TGM2: variants seen among roughly 807,000 people sequenced by gnomAD.
The protein encoded by TGM2 is protein-glutamine gamma-glutamyltransferase 2.
A neutral mutation model predicts 75.6 loss-of-function variants in TGM2; 53 were observed. That is an observed-to-expected ratio of 0.70 (90% CI 0.56 to 0.88). The LOEUF (loss-of-function observed/expected upper bound fraction) is 0.88, where lower values mean the gene tolerates loss of function less well. Among genes scored for constraint, TGM2 ranks in the 40% least tolerant of loss-of-function variants. TGM2 has a pLI of 0.00. For synonymous variants in TGM2, 374 were observed against 381.1 expected (o/e 0.98, Z 0.22); for missense variants, 842 against 928.5 (o/e 0.91, Z 1.21).
Position 38,151,018 on chromosome 20 carries a change from T to G in TGM2, c.473A>C (p.Glu158Ala). 1 of 1,613,620 alleles carries G rather than the reference T, an allele frequency of 6.2e-7. No homozygotes were observed. Residue 158 changes from glutamate to alanine, a missense_variant, in exon 4 of 13, where the codon GAG (glutamate) becomes GCG (alanine). By Grantham distance (107) the Glu-to-Ala change is moderately radical. Transcript: ENST00000361475. ...AAAGCCCTGCTGGGTGAGGACATAC[T>G]CCTGCCGCTCCTCTTCCGAGTCCAG... ...VYLDSEEERQ[E>A]YVLTQQGFIY...
At chr20:38,148,187 C>G in intron 4 of TGM2, 98 bp from the exon 5 acceptor site, 3 of 1,521,314 alleles carry the variant, frequency 2.0e-6, no homozygotes, top group South Asian at 1.1e-5. Flanking sequence ...CCCACTCTGT[C>G]CCACACAGCA....
rs368135396 is a variant in TGM2 at position 38,139,529 on chromosome 20, C to T, written c.1225G>A (p.Asp409Asn). 5.6e-6 allele frequency: 9 copies of T among 1,614,088 alleles called. No individual in the cohort carries two copies. The highest frequency in any genetic ancestry group is 2.7e-5 in the African/African-American group (2 of 74,930). ...TTGATGGATTTGTGCACAGACCCAT[C>T]GTCCTGCTGGATCCAGTCTACCACG... ...ADVVDWIQQD[D>N]GSVHKSINRS... The change falls in exon 9 of 13, where the codon GAT becomes AAT. Residue 409 changes from aspartate to asparagine, a missense_variant. Physicochemically the swap from Asp to Asn is conservative, Grantham distance 23 (BLOSUM62 1). Coordinates refer to ENST00000361475, the MANE Select transcript of TGM2 (RefSeq NM_004613.4).
intron 2 of TGM2, among the ~76,000 whole-genome samples, chr20:38,157,445 A>G (rs992366016): frequency 2.6e-5 from 4 of 152,190 alleles, no homozygotes; most frequent in Non-Finnish European, 5.9e-5. Flanking sequence ...GCCCCTGAGC[A>G]CTGTGTGACC....
intron 10 of TGM2, among the ~76,000 whole-genome samples, chr20:38,135,203 G>A (rs566941775): frequency 9.1e-4 from 139 of 152,334 alleles, no homozygotes; most frequent in Non-Finnish European, 1.6e-3. Flanking sequence ...ATTTTGGTGT[G>A]TCTGGCCCAG....
At chr20:38,133,029 C>T (rs910692366) in intron 10 of TGM2, 11 of 359,216 alleles carry the variant, frequency 3.1e-5, no homozygotes, top group African/African-American at 2.3e-4. Flanking sequence ...ACGTGTATTA[C>T]CACCCAACTT....
At chr20:38,132,766 AC>A (rs2074851727) in intron 10 of TGM2, 1 of 560,788 alleles carries the variant, frequency 1.8e-6, no homozygotes, top group Non-Finnish European at 3.4e-6. Context: ...CTAATGGGTG[AC>A]CCCGCGTGAG....
intron 8 of TGM2, among the ~76,000 whole-genome samples, chr20:38,140,581 T>G (rs778253948): frequency 6.6e-6 from 1 of 152,174 alleles, no homozygotes; most frequent in Non-Finnish European, 1.5e-5. Flanking sequence ...GACTTGTCAC[T>G]CATAAGAACC....
At chr20:38,140,255 T>C (rs1326898040) in intron 8 of TGM2, among the ~76,000 whole-genome samples, 1 of 152,246 alleles carries the variant, frequency 6.6e-6, no homozygotes. Context: ...TGCTGAGGAC[T>C]AGAGGCTGGA....
chr20:38,167,623 A>G (rs1204566113), upstream of TGM2, among the ~76,000 whole-genome samples: 1 of 152,124 alleles, frequency 6.6e-6, no homozygotes, highest in Non-Finnish European at 1.5e-5. Context: ...ATAGTCATGA[A>G]CCACTGTGCC....
chr20:38,147,868 C>T (rs1248863908), intron 5 of TGM2, 93 bp downstream of exon 5: 3 of 1,534,342 alleles, frequency 2.0e-6, no homozygotes, highest in Non-Finnish European at 2.6e-6. Context: ...CCGGGTCCCC[C>T]ACCGCGCCTA....
At position 38,165,262 on chromosome 20, in the gene TGM2, G is replaced by A; in HGVS notation, c.-64C>T. 6.2e-7 allele frequency: 1 copy of A among 1,608,962 alleles called. No individual in the cohort carries two copies. The highest frequency in any genetic ancestry group is 8.5e-7 in the Non-Finnish European group (1 of 1,179,164). On this transcript the variant is annotated 5_prime_UTR_variant, in exon 1 of 13. Transcript: ENST00000361475. Reference sequence around the variant, plus strand: ...GACCCTCCAAGTGCGACCACTGGCGGCTGGCACTGCCGAGGCGGAGAGCGG... The same window carrying A: ...GACCCTCCAAGTGCGACCACTGGCGACTGGCACTGCCGAGGCGGAGAGCGG...
chr20:38,158,147 G>C (rs2075210110), intron 2 of TGM2, among the ~76,000 whole-genome samples: 1 of 152,236 alleles, frequency 6.6e-6, no homozygotes, highest in African/African-American at 2.4e-5. Context: ...GCCTGGGCCA[G>C]ATCCCATCAT....
Position 38,138,365 on chromosome 20 carries a change from C to G in TGM2, c.1363G>C (p.Ala455Pro). 1 of 1,614,064 alleles carries G rather than the reference C, an allele frequency of 6.2e-7. No homozygotes were observed. The highest frequency in any genetic ancestry group is 8.5e-7 in the Non-Finnish European group (1 of 1,180,032). ...YPEGSSEERE[A>P]FTRANHLNKL... Reference sequence around the variant, plus strand: ...TTCAGGTGGTTCGCCCTTGTGAAGGCCTCCCTCTCCTCTGAGGACCCTGTA... The same window carrying G: ...TTCAGGTGGTTCGCCCTTGTGAAGGGCTCCCTCTCCTCTGAGGACCCTGTA... The change falls in exon 10 of 13, where the codon GCC becomes CCC. Residue 455 changes from alanine to proline, a missense_variant. Physicochemically the swap from Ala to Pro is conservative, Grantham distance 27. Transcript: ENST00000361475.
intron 6 of TGM2, 48 bp downstream of exon 6, chr20:38,146,669 C>T (rs773814226): frequency 2.5e-5 from 40 of 1,608,450 alleles, no homozygotes; most frequent in Non-Finnish European, 3.0e-5. Context: ...CAGTGCTCTT[C>T]GTGCCCCCTC....
chr20:38,150,352 A>G (rs1404575102), intron 4 of TGM2, among the ~76,000 whole-genome samples: 1 of 152,140 alleles, frequency 6.6e-6, no homozygotes, highest in African/African-American at 2.4e-5. Flanking sequence ...GTGAGAAATA[A>G]TAAGTGATTG....
Position 38,131,234 on chromosome 20 carries a change from A to G in TGM2, c.1777-5T>C. ...CTGCTTGGGCTCCCCAAGGATCTGG[A>G]AGAGGGCATGGGGCAGATGTCAAGG... On this transcript the variant is annotated splice_polypyrimidine_tract_variant and splice_region_variant and intron_variant, in intron 11 of 12. Coordinates refer to ENST00000361475, the MANE Select transcript of TGM2 (RefSeq NM_004613.4). 1 of 1,613,694 alleles carries G rather than the reference A, an allele frequency of 6.2e-7. No homozygotes were observed. Among genetic ancestry groups the G allele is most frequent in the Non-Finnish European group, 8.5e-7 (1 of 1,179,994 alleles).
intron 9 of TGM2, 21 bp from the exon 10 acceptor site, chr20:38,138,406 G>C (rs760874741): frequency 6.2e-7 from 1 of 1,613,238 alleles, no homozygotes. Context: ...TGAGAAGAGA[G>C]CCTCAATCAC....
In TGM2 at chr20:38,163,039, A is replaced by C. The variant is rs1034663942; in HGVS notation, c.11-1440T>G. 5.3e-5 allele frequency among the ~76,000 whole-genome samples: 8 copies of C among 152,248 alleles called. No individual in the cohort carries two copies. The Middle Eastern group carries it at 0.014, about 259-fold the overall frequency. On this transcript the variant is annotated intron_variant, in intron 1 of 12. Coordinates refer to ENST00000361475, the MANE Select transcript of TGM2 (RefSeq NM_004613.4). ...TCTCAAGGGGCTGCTGTGAGTCTAG[A>C]AGATGTGTTGGGAACCCCCTTCCCC... is the stretch of plus-strand genomic sequence containing the variant.
intron 10 of TGM2, among the ~76,000 whole-genome samples, chr20:38,135,980 G>A (rs968307585): frequency 2.0e-5 from 3 of 152,158 alleles, no homozygotes; most frequent in Admixed American, 6.5e-5. Context: ...CATGTTCACC[G>A]CGCCCAAGGT....
Sources: gnomAD v4.1 joint callset for allele counts (sites outside exome capture counted in the v4.1 genomes callset) on GRCh38, gnomAD v4.1.1 for gene constraint, MANE v1.5 for transcripts, NCBI Gene and HGNC (gene_info 2026-07-23, HGNC 2026-07-21) for gene names.